MACROD2: variants seen among roughly 807,000 people sequenced by gnomAD.
The protein encoded by MACROD2 is mono-ADP ribosylhydrolase 2.
Under a neutral mutation model 70.4 loss-of-function variants are expected in MACROD2, and 36 were observed. The observed-to-expected ratio is 0.51, with a 90% CI of 0.39 to 0.68. The LOEUF is 0.68. MACROD2 is among the 30% of genes least tolerant of loss of function. MACROD2 has a pLI of 0.00. For synonymous variants in MACROD2, 172 were observed against 178.8 expected, an observed-to-expected ratio of 0.96 and a Z score of 0.30; for missense variants, 496 against 538.4, an observed-to-expected ratio of 0.92 and a Z score of 0.78.
At chr20:15,325,780 C>A (rs2077922395) in intron 6 of MACROD2, among the ~76,000 whole-genome samples, 1 of 152,134 alleles carries the variant, frequency 6.6e-6, no homozygotes, top group Non-Finnish European at 1.5e-5. Context: ...TGGTGGCCTT[C>A]CCAAAGTTTT....
At position 14,841,078 on chromosome 20, in the gene MACROD2, A is replaced by G. The variant is rs2073082295; in HGVS notation, c.418+156119A>G. ...ACATATTTTAATGTTAAATTTTTTT[A>G]TTGCTTACACTCTAAATATTTTCCT... On this transcript the variant is annotated intron_variant, in intron 5 of 17. Transcript: ENST00000684519. 2.6e-5 allele frequency among the ~76,000 whole-genome samples: 4 copies of G among 152,134 alleles called. 1 individual carries two copies. Among genetic ancestry groups the G allele is most frequent in the Admixed American group, 2.6e-4 (4 of 15,270 alleles).
chr20:15,849,995 A>G (rs2064278345), intron 8 of MACROD2, among the ~76,000 whole-genome samples: 1 of 152,226 alleles, frequency 6.6e-6, no homozygotes, highest in African/African-American at 2.4e-5. Flanking sequence ...TATAGGCAGC[A>G]GCCCGTACCT....
At chr20:15,960,798 A>T (rs1254831394) in intron 12 of MACROD2, among the ~76,000 whole-genome samples, 1 of 152,098 alleles carries the variant, frequency 6.6e-6, no homozygotes, top group Non-Finnish European at 1.5e-5. Flanking sequence ...TGCCCTCTGT[A>T]CTGGCACCAT....
chr20:15,247,559 A>G (rs547827198), intron 6 of MACROD2, among the ~76,000 whole-genome samples: 20 of 152,300 alleles, frequency 1.3e-4, no homozygotes, highest in African/African-American at 4.6e-4. Context: ...TTTCTGCTTT[A>G]CATGTTAATA....
chr20:14,297,829 C>T (rs190765952), intron 3 of MACROD2, among the ~76,000 whole-genome samples: 1 of 152,020 alleles, frequency 6.6e-6, no homozygotes, highest in East Asian at 1.9e-4. Flanking sequence ...GAAGAAGCTG[C>T]CATCTAGGAC....
chr20:14,337,617 C>T, intron 3 of MACROD2: 2 of 398,612 alleles, frequency 5.0e-6, no homozygotes, highest in Non-Finnish European at 8.8e-6. Flanking sequence ...CTGCACACAG[C>T]CCACCTCCAA....
At chr20:15,271,243 G>C (rs146233678) in intron 6 of MACROD2, among the ~76,000 whole-genome samples, 218 of 152,278 alleles carry the variant, frequency 1.4e-3, no homozygotes, top group Non-Finnish European at 2.3e-3. Context: ...TTCATAGAAA[G>C]CATCCTCTTG....
intron 3 of MACROD2, among the ~76,000 whole-genome samples, chr20:14,112,147 G>C (rs1265915278): frequency 1.3e-5 from 2 of 151,902 alleles, no homozygotes; most frequent in Non-Finnish European, 2.9e-5. Flanking sequence ...ACTTGTGGGA[G>C]CTCAAAAAAT....
intron 8 of MACROD2, among the ~76,000 whole-genome samples, chr20:15,774,240 A>G (rs1013552159): frequency 5.9e-5 from 9 of 152,130 alleles, no homozygotes; most frequent in African/African-American, 1.9e-4. Context: ...GTATATGTAA[A>G]AGCAGGGAAG....
At chr20:14,837,702 A>G (rs1422933288) in intron 5 of MACROD2, among the ~76,000 whole-genome samples, 2 of 152,100 alleles carry the variant, frequency 1.3e-5, no homozygotes, top group African/African-American at 4.8e-5. Context: ...CCAACTAACT[A>G]GCAAAATTTA....
At chr20:15,372,012 G>T (rs2045500738) in intron 6 of MACROD2, among the ~76,000 whole-genome samples, 1 of 152,044 alleles carries the variant, frequency 6.6e-6, no homozygotes, top group Non-Finnish European at 1.5e-5. Context: ...TAACCATCTT[G>T]TTTCATCACA....
At chr20:15,520,321 C>A (rs73897647) in intron 8 of MACROD2, among the ~76,000 whole-genome samples, 2,569 of 152,232 alleles carry the variant, frequency 0.017, 72 homozygotes, top group African/African-American at 0.058. Context: ...TAGATTGGGG[C>A]AAATACCCAC....
intron 10 of MACROD2, chr20:15,893,089 C>G (rs1029656224): frequency 5.0e-6 from 2 of 399,064 alleles, no homozygotes; most frequent in African/African-American, 2.1e-5. Context: ...TGTGTACAAA[C>G]ACACTCATGT....
intron 8 of MACROD2, among the ~76,000 whole-genome samples, chr20:15,862,295 C>A (rs1436171948): frequency 1.3e-5 from 2 of 152,166 alleles, no homozygotes; most frequent in African/African-American, 4.8e-5. Flanking sequence ...TGTTCAAATA[C>A]TAACAGGTTT....
intron 9 of MACROD2, among the ~76,000 whole-genome samples, chr20:15,876,446 TC>T (rs1262264577): frequency 1.3e-5 from 2 of 152,180 alleles, no homozygotes; most frequent in Non-Finnish European, 2.9e-5. Context: ...CATAAACTCA[TC>T]CTTTTTTATG....
At chr20:14,927,019 G>A (rs539921017) in intron 5 of MACROD2, among the ~76,000 whole-genome samples, 29 of 152,150 alleles carry the variant, frequency 1.9e-4, no homozygotes, top group Non-Finnish European at 3.5e-4. Context: ...GCATTATTGT[G>A]GGAGAAAAAC....
At chr20:14,173,293 T>A (rs1458298555) in intron 3 of MACROD2, among the ~76,000 whole-genome samples, 3 of 152,184 alleles carry the variant, frequency 2.0e-5, no homozygotes, top group African/African-American at 7.2e-5. Context: ...GTTTGGTCAT[T>A]CAACTTCTTA....
At chr20:15,121,995 A>G (rs962369435) in intron 5 of MACROD2, among the ~76,000 whole-genome samples, 2 of 152,138 alleles carry the variant, frequency 1.3e-5, no homozygotes, top group Non-Finnish European at 2.9e-5. Context: ...TAATACTCTA[A>G]GCTACATATT....
At chr20:14,390,383 G>A (rs1310330013) in intron 3 of MACROD2, among the ~76,000 whole-genome samples, 4 of 152,016 alleles carry the variant, frequency 2.6e-5, no homozygotes, top group African/African-American at 9.7e-5. Flanking sequence ...CACAGAACTA[G>A]AAAAAAACTA....
Sources: gnomAD v4.1 joint callset for allele counts (sites outside exome capture counted in the v4.1 genomes callset) on GRCh38, gnomAD v4.1.1 for gene constraint, MANE v1.5 for transcripts, NCBI Gene and HGNC (gene_info 2026-07-23, HGNC 2026-07-21) for gene names.